VAV1: variants seen among roughly 807,000 people sequenced by gnomAD.
VAV1 encodes proto-oncogene vav.
A neutral mutation model predicts 128.1 loss-of-function variants in VAV1; 33 were observed. The observed-to-expected ratio is 0.26, with a 90% CI of 0.20 to 0.34. The LOEUF is 0.34. Among genes scored for constraint, VAV1 ranks in the 10% least tolerant of loss-of-function variants. VAV1 has a pLI of 1.00. For missense variants in VAV1, 715 were observed against 1,093.7 expected (o/e 0.65, Z 4.88); for synonymous variants, 394 against 409.8 (o/e 0.96, Z 0.47).
At chr19:6,842,264 C>A (rs1158915370) in intron 21 of VAV1, among the ~76,000 whole-genome samples, 2 of 151,662 alleles carry the variant, frequency 1.3e-5, no homozygotes, top group Non-Finnish European at 2.9e-5. Flanking sequence ...TAAATACATA[C>A]ATAAAACAAA....
chr19:6,824,928 A>C (rs1432071508), intron 6 of VAV1, 125 bp from the exon 7 acceptor site: 13 of 1,019,372 alleles, frequency 1.3e-5, no homozygotes, highest in Non-Finnish European at 2.0e-5. Context: ...ATTCTTGTAC[A>C]AGTTTTTGTG....
At chr19:6,793,227 C>T (rs59906444) in intron 1 of VAV1, among the ~76,000 whole-genome samples, 2,929 of 151,832 alleles carry the variant, frequency 0.019, 38 homozygotes, top group East Asian at 0.037. Flanking sequence ...CCAGCTACTC[C>T]GGAGGCTGAG....
intron 1 of VAV1, among the ~76,000 whole-genome samples, chr19:6,787,446 G>A (rs1280912408): frequency 6.6e-6 from 1 of 152,072 alleles, no homozygotes; most frequent in East Asian, 1.9e-4. Flanking sequence ...AAAAATGCTG[G>A]GATTGCAGGC....
intron 1 of VAV1, among the ~76,000 whole-genome samples, chr19:6,790,544 T>C (rs904599850): frequency 1.3e-5 from 2 of 152,204 alleles, no homozygotes; most frequent in African/African-American, 2.4e-5. Flanking sequence ...CTCCAGATGA[T>C]CCAGGACAGG....
At position 6,826,316 on chromosome 19, in the gene VAV1, A is replaced by C. The variant is rs1008865147; in HGVS notation, c.828-296A>C. ...TCACACCACTGTACTCCAGCCTGGGAGACAAGCGTGAAACCCCGTCTCAAA... is the reference window on the plus strand; with the variant it reads ...TCACACCACTGTACTCCAGCCTGGGCGACAAGCGTGAAACCCCGTCTCAAA... On this transcript the variant is annotated intron_variant, in intron 8 of 26. Coordinates refer to ENST00000602142, the MANE Select transcript of VAV1 (RefSeq NM_005428.4). The surrounding 1 kb of genome is among the most constrained non-coding windows in gnomAD (Gnocchi z 4.1). Among the ~76,000 whole-genome samples the C allele has an allele frequency of 2.6e-5, 4 of 152,092 alleles. No homozygotes were observed. The highest frequency in any genetic ancestry group is 9.7e-5 in the African/African-American group (4 of 41,430).
At position 6,847,592 on chromosome 19, in the gene VAV1, T is replaced by A. The variant is rs534601211; in HGVS notation, c.2013-406T>A. Among the ~76,000 whole-genome samples, 15 of 152,316 alleles carry A rather than the reference T, an allele frequency of 9.8e-5. No homozygotes were observed. The South Asian group carries it at 3.1e-3, about 32-fold the overall frequency. ...TCATTTACCTTGATGACTAGGTTTTTTGGCTCTCACTTACATTTTGCACCT... is the reference window on the plus strand; with the variant it reads ...TCATTTACCTTGATGACTAGGTTTTATGGCTCTCACTTACATTTTGCACCT... On this transcript the variant is annotated intron_variant, in intron 22 of 26. Transcript: ENST00000602142.
At chr19:6,817,977 C>G (rs911932648) in intron 1 of VAV1, among the ~76,000 whole-genome samples, 1 of 152,180 alleles carries the variant, frequency 6.6e-6, no homozygotes, top group Non-Finnish European at 1.5e-5. Context: ...TGAGCCACCA[C>G]GCCCAGCCTT....
intron 1 of VAV1, among the ~76,000 whole-genome samples, chr19:6,780,162 TCA>T (rs1970740332): frequency 7.5e-6 from 1 of 133,492 alleles, no homozygotes; most frequent in Non-Finnish European, 1.7e-5. Context: ...AATAATAACC[TCA>T]TCCATGAATC....
At chr19:6,792,425 GTTTACAGC>G (rs1479403607) in intron 1 of VAV1, among the ~76,000 whole-genome samples, 1 of 152,026 alleles carries the variant, frequency 6.6e-6, no homozygotes, top group Non-Finnish European at 1.5e-5. Context: ...TGGTGTCTAG[GTTTACAGC>G]TTAGGGACTT....
At chr19:6,814,802 T>C (rs1260981318) in intron 1 of VAV1, among the ~76,000 whole-genome samples, 2 of 151,062 alleles carry the variant, frequency 1.3e-5, no homozygotes, top group Admixed American at 1.3e-4. Context: ...GAAATGGTGA[T>C]AGCAGGTTCC....
Position 6,853,098 on chromosome 19 carries a change from G to T in VAV1, c.2332+19G>T. On this transcript the variant is annotated intron_variant, in intron 25 of 26. Coordinates refer to ENST00000602142, the MANE Select transcript of VAV1 (RefSeq NM_005428.4). ...CCAGCAGGTAGGAGGTCTCAGACTG[G>T]GGGCTTACAGCCTCAGCCCCTTCCC... 6.2e-7 allele frequency: 1 copy of T among 1,607,134 alleles called. No homozygotes were observed. The highest frequency in any genetic ancestry group is 1.1e-5 in the South Asian group (1 of 90,912).
chr19:6,837,320 A>C (rs1188140444), intron 21 of VAV1, among the ~76,000 whole-genome samples: 1 of 152,158 alleles, frequency 6.6e-6, no homozygotes, highest in Non-Finnish European at 1.5e-5. Context: ...AGGAGCAGGG[A>C]CCTAGAAGGT....
rs191423232 is a variant in VAV1, at chr19:6,844,835, A to G, written c.2012+1669A>G. Among the ~76,000 whole-genome samples, 103 of 152,140 alleles carry G rather than the reference A, an allele frequency of 6.8e-4. 2 individuals carry two copies. The East Asian group carries it at 0.019, about 29-fold the overall frequency. On this transcript the variant is annotated intron_variant, in intron 22 of 26. Transcript: ENST00000602142. ...AAAATCTCAGTCATTAAGGTCCATC[A>G]TGTTTTAATGCAACATTAAAAAAAA...
chr19:6,849,895 A>T (rs331677), intron 23 of VAV1, among the ~76,000 whole-genome samples: 52,641 of 152,016 alleles, frequency 0.35, 14,479 homozygotes, highest in African/African-American at 0.76. Flanking sequence ...GTGATGAACA[A>T]ACAAGGGTGT....
At chr19:6,796,708 C>T (rs1971144093) in intron 1 of VAV1, among the ~76,000 whole-genome samples, 1 of 152,176 alleles carries the variant, frequency 6.6e-6, no homozygotes, top group Non-Finnish European at 1.5e-5. Flanking sequence ...CCTGGACTTC[C>T]CTATTTAAAA....
intron 21 of VAV1, among the ~76,000 whole-genome samples, chr19:6,838,105 A>G (rs1431905398): frequency 6.7e-6 from 1 of 149,874 alleles, no homozygotes; most frequent in African/African-American, 2.5e-5. Flanking sequence ...CTGTCTATCT[A>G]TCTATCTATC....
At position 6,779,980 on chromosome 19, in the gene VAV1, G is replaced by A. The variant is rs369525815; in HGVS notation, c.204+6969G>A. The stretch of plus-strand genomic sequence containing the variant: ...CAAAAAATTAGCCGGGCGTGGTTGC[G>A]GGCGCCTGTAGTCCCAGCTACTCGG... On this transcript the variant is annotated intron_variant, in intron 1 of 26. Coordinates refer to ENST00000602142, the MANE Select transcript of VAV1 (RefSeq NM_005428.4). 3.9e-3 allele frequency among the ~76,000 whole-genome samples: 584 copies of A among 148,846 alleles called. 10 individuals carry two copies. Among genetic ancestry groups the A allele is most frequent in the African/African-American group, 0.013 (539 of 40,992 alleles).
At position 6,826,699 on chromosome 19, in the gene VAV1, G is replaced by C; in HGVS notation, c.915G>C (p.Gln305His). Residue 305 changes from glutamine (Q) to histidine (H), a missense_variant, in exon 9 of 27, where the codon CAG becomes CAC. Transcript: ENST00000602142. This position sits in a 1 kb window ranked among gnomAD's most constrained non-coding sequence, Gnocchi z 4.1. ...DRVAAAREDV[Q>H]MKLEECSQRA... ...TGGCCGCAGCCCGGGAGGACGTGCA[G>C]ATGAAGCTGGAGGTGGGCGCCGGGC... 1 of 1,550,738 alleles carries C rather than the reference G, an allele frequency of 6.4e-7. No individual in the cohort carries two copies. The highest frequency in any genetic ancestry group is 8.7e-7 in the Non-Finnish European group (1 of 1,151,304).
chr19:6,815,861 T>C (rs1452075619), intron 1 of VAV1, among the ~76,000 whole-genome samples: 1 of 152,132 alleles, frequency 6.6e-6, no homozygotes, highest in Non-Finnish European at 1.5e-5. Context: ...TAGCTTCCAC[T>C]ACACACAAGG....
Sources: allele counts gnomAD v4.1 joint callset (sites outside exome capture counted in the v4.1 genomes callset), GRCh38; gene constraint gnomAD v4.1.1; non-coding constraint Gnocchi (gnomAD v3.1); transcripts MANE v1.5; gene names NCBI Gene and HGNC (gene_info 2026-07-23, HGNC 2026-07-21).